The following LCLAT1 variants were observed in gnomAD, a reference collection of about 807,000 sequenced individuals.
LCLAT1 encodes the protein lysocardiolipin acyltransferase 1.
A neutral mutation model predicts 30.7 loss-of-function variants in LCLAT1; 11 were observed. The observed-to-expected ratio is 0.36, with a 90% CI of 0.23 to 0.59. The LOEUF is 0.59. Among genes scored for constraint, LCLAT1 ranks in the 20% least tolerant of loss-of-function variants. LCLAT1 has a pLI of 0.77. For missense variants in LCLAT1, 402 were observed against 458.6 expected, an observed-to-expected ratio of 0.88 and a Z score of 1.13; for synonymous variants, 155 against 151.3, an observed-to-expected ratio of 1.02 and a Z score of -0.18.
intron 5 of LCLAT1, among the ~76,000 whole-genome samples, chr2:30,611,879 G>C (rs906454869): frequency 5.3e-5 from 8 of 152,294 alleles, no homozygotes; most frequent in Admixed American, 5.2e-4. Context: ...GAGTAGAAAT[G>C]GGCGTATCAT....
chr2:30,485,236 C>T (rs1283300025), intron 1 of LCLAT1, among the ~76,000 whole-genome samples: 3 of 152,076 alleles, frequency 2.0e-5, no homozygotes, highest in East Asian at 3.8e-4. Flanking sequence ...GTTTGGTCCC[C>T]GCTTAGCTGA....
intron 1 of LCLAT1, among the ~76,000 whole-genome samples, chr2:30,465,251 G>C (rs1192594547): frequency 6.6e-6 from 1 of 152,156 alleles, no homozygotes; most frequent in Non-Finnish European, 1.5e-5. Context: ...CGTACACAGA[G>C]GAGGAGGAGG....
At chr2:30,542,188 CCTGT>C (rs765282203) in intron 3 of LCLAT1, among the ~76,000 whole-genome samples, 1 of 152,036 alleles carries the variant, frequency 6.6e-6, no homozygotes, top group Non-Finnish European at 1.5e-5. Context: ...TTTTTTTAAA[CCTGT>C]CTTTCAAAGA....
At chr2:30,575,705 A>G (rs1665967608) in intron 5 of LCLAT1, among the ~76,000 whole-genome samples, 1 of 152,170 alleles carries the variant, frequency 6.6e-6, no homozygotes, top group Non-Finnish European at 1.5e-5. Context: ...CGTTATTGGT[A>G]ACTTAAATGA....
At chr2:30,597,702 G>T (rs910966483) in intron 5 of LCLAT1, among the ~76,000 whole-genome samples, 1 of 152,156 alleles carries the variant, frequency 6.6e-6, no homozygotes, top group African/African-American at 2.4e-5. Context: ...TGGTGAGAGA[G>T]GGCATCCTTG....
chr2:30,512,059 A>C (rs1684964252), intron 1 of LCLAT1, among the ~76,000 whole-genome samples: 2 of 152,002 alleles, frequency 1.3e-5, no homozygotes, highest in East Asian at 3.9e-4. Context: ...CCAGCTTTTA[A>C]AATGTTGTTC....
intron 5 of LCLAT1, among the ~76,000 whole-genome samples, chr2:30,598,914 T>A (rs904934461): frequency 6.6e-6 from 1 of 152,040 alleles, no homozygotes; most frequent in African/African-American, 2.4e-5. Context: ...TACCTAGGAG[T>A]CATTCAGGAG....
At chr2:30,625,413 G>A (rs1380031548) in intron 5 of LCLAT1, among the ~76,000 whole-genome samples, 1 of 151,982 alleles carries the variant, frequency 6.6e-6, no homozygotes, top group Admixed American at 6.5e-5. Flanking sequence ...TTACAACCAG[G>A]GCCATGGAAA....
chr2:30,607,462 G>A (rs938494280), intron 5 of LCLAT1: 2 of 152,098 alleles, frequency 1.3e-5, no homozygotes, highest in African/African-American at 4.8e-5. Context: ...AGTCTCATAA[G>A]ATCATAATGG....
At chr2:30,613,384 A>G (rs1363995663) in intron 5 of LCLAT1, among the ~76,000 whole-genome samples, 15 of 152,114 alleles carry the variant, frequency 9.9e-5, no homozygotes. Flanking sequence ...GTTATTTGTA[A>G]TAATGCAGGA....
At chr2:30,463,067 C>T (rs750174269) in intron 1 of LCLAT1, among the ~76,000 whole-genome samples, 7 of 151,906 alleles carry the variant, frequency 4.6e-5, no homozygotes, top group Non-Finnish European at 2.9e-5. Context: ...GAGTTCAACA[C>T]CAGTTTGGGC....
intron 3 of LCLAT1, 55 bp downstream of exon 3, chr2:30,533,369 C>T (rs768493252): frequency 4.7e-5 from 67 of 1,431,438 alleles, no homozygotes; most frequent in Non-Finnish European, 6.4e-5. Context: ...TGTAATGCAC[C>T]CACTGTAAAA....
chr2:30,603,391 A>G (rs1667283875), intron 5 of LCLAT1, among the ~76,000 whole-genome samples: 1 of 152,146 alleles, frequency 6.6e-6, no homozygotes, highest in South Asian at 2.1e-4. Context: ...AAAGCTTCCA[A>G]AGAGATCAAA....
intron 3 of LCLAT1, among the ~76,000 whole-genome samples, chr2:30,545,612 G>A (rs1664367292): frequency 6.6e-6 from 1 of 151,806 alleles, no homozygotes; most frequent in South Asian, 2.1e-4. Flanking sequence ...AAACTGTTTA[G>A]AATTTATTAA....
chr2:30,497,211 A>G (rs560657805), intron 1 of LCLAT1, among the ~76,000 whole-genome samples: 12 of 152,260 alleles, frequency 7.9e-5, no homozygotes, highest in Non-Finnish European at 1.3e-4. Context: ...CCCTAATACC[A>G]GCTCAAGTTC....
At chr2:30,605,058 A>G (rs1455081999) in intron 5 of LCLAT1, among the ~76,000 whole-genome samples, 1 of 152,232 alleles carries the variant, frequency 6.6e-6, no homozygotes, top group Admixed American at 6.5e-5. Context: ...TCATTCTGAT[A>G]AAACCATTGT....
At chr2:30,584,068 CCT>C (rs1666322910) in intron 5 of LCLAT1, among the ~76,000 whole-genome samples, 1 of 152,050 alleles carries the variant, frequency 6.6e-6, no homozygotes, top group African/African-American at 2.4e-5. Context: ...TGTTCCCCTC[CCT>C]GTGTCCATGT....
intron 5 of LCLAT1, among the ~76,000 whole-genome samples, chr2:30,594,635 G>T (rs1314638883): frequency 6.6e-6 from 1 of 152,146 alleles, no homozygotes; most frequent in Non-Finnish European, 1.5e-5. Context: ...CACCAAAGTG[G>T]CCAGTTACCA....
intron 5 of LCLAT1, among the ~76,000 whole-genome samples, chr2:30,586,978 C>T (rs1361831763): frequency 6.6e-6 from 1 of 152,192 alleles, no homozygotes; most frequent in Admixed American, 6.5e-5. Flanking sequence ...GAACTGTCAT[C>T]ACACCCTTAT....
Sources: allele counts gnomAD v4.1 joint callset (sites outside exome capture counted in the v4.1 genomes callset), GRCh38; gene constraint gnomAD v4.1.1; transcripts MANE v1.5; gene names NCBI Gene and HGNC (gene_info 2026-07-23, HGNC 2026-07-21).